SMYD3: variants seen among roughly 807,000 people sequenced by gnomAD.
The protein encoded by SMYD3 is histone-lysine N-methyltransferase SMYD3.
A neutral mutation model predicts 57.7 loss-of-function variants in SMYD3; 36 were observed. The ratio of observed to expected loss-of-function variants is 0.62; its 90% confidence interval spans 0.48 to 0.82. SMYD3 has a LOEUF of 0.82. SMYD3 is among the 40% of genes least tolerant of loss of function. The pLI, the probability that SMYD3 is intolerant of heterozygous loss-of-function variation, is 0.00. For synonymous variants in SMYD3, 211 were observed against 195.0 expected (o/e 1.08, Z -0.68); for missense variants, 515 against 538.8 (o/e 0.96, Z 0.44).
intron 5 of SMYD3, among the ~76,000 whole-genome samples, chr1:246,032,179 G>A (rs1053591747): frequency 6.6e-6 from 1 of 152,118 alleles, no homozygotes; most frequent in African/African-American, 2.4e-5. Context: ...CTGTTGGGCA[G>A]GCAAACTGAG....
At chr1:246,065,557 C>T (rs1447095432) in intron 5 of SMYD3, among the ~76,000 whole-genome samples, 1 of 152,190 alleles carries the variant, frequency 6.6e-6, no homozygotes, top group Non-Finnish European at 1.5e-5. Flanking sequence ...TTAGAAAACC[C>T]TCAAGTTCTA....
intron 5 of SMYD3, among the ~76,000 whole-genome samples, chr1:246,078,796 A>G (rs2060588480): frequency 6.6e-6 from 1 of 152,228 alleles, no homozygotes; most frequent in South Asian, 2.1e-4. Context: ...GACTGACTGA[A>G]TGTAAAGATA....
chr1:246,248,349 A>T (rs1454856878), intron 5 of SMYD3, among the ~76,000 whole-genome samples: 1 of 152,196 alleles, frequency 6.6e-6, no homozygotes, highest in Non-Finnish European at 1.5e-5. Context: ...CGGATTTTGA[A>T]GGGATTTCAC....
intron 5 of SMYD3, among the ~76,000 whole-genome samples, chr1:246,072,026 A>G (rs1572978102): frequency 3.1e-5 from 1 of 31,848 alleles, no homozygotes; most frequent in Admixed American, 4.7e-4. Flanking sequence ...CTGGGGAGGG[A>G]TTCGTGTGCT....
intron 1 of SMYD3, among the ~76,000 whole-genome samples, chr1:246,384,452 G>T (rs2066437793): frequency 6.6e-6 from 1 of 151,816 alleles, no homozygotes; most frequent in Admixed American, 6.6e-5. Flanking sequence ...CTAGAGTGCA[G>T]TGGTGCCATC....
intron 2 of SMYD3, among the ~76,000 whole-genome samples, chr1:246,349,486 T>G (rs956328442): frequency 5.9e-5 from 9 of 152,092 alleles, no homozygotes; most frequent in African/African-American, 2.2e-4. Context: ...ACGCCTGTAG[T>G]CCCAGCTATT....
chr1:246,304,125 T>G (rs1488164945), intron 5 of SMYD3, among the ~76,000 whole-genome samples: 1 of 152,190 alleles, frequency 6.6e-6, no homozygotes, highest in African/African-American at 2.4e-5. Flanking sequence ...AGCATAATAA[T>G]TTTACTGGTA....
intron 5 of SMYD3, among the ~76,000 whole-genome samples, chr1:245,933,494 T>A (rs2056838201): frequency 6.6e-6 from 1 of 152,182 alleles, no homozygotes; most frequent in African/African-American, 2.4e-5. Context: ...AATATTATAG[T>A]TTTTCTAGAT....
chr1:246,028,332 T>C (rs547725222), intron 5 of SMYD3, among the ~76,000 whole-genome samples: 1 of 152,108 alleles, frequency 6.6e-6, no homozygotes, highest in Non-Finnish European at 1.5e-5. Context: ...TAATCCTATA[T>C]ACAGAAAAAT....
At chr1:245,788,108 G>A (rs1264659251) in intron 10 of SMYD3, among the ~76,000 whole-genome samples, 1 of 151,974 alleles carries the variant, frequency 6.6e-6, no homozygotes, top group Non-Finnish European at 1.5e-5. Flanking sequence ...ACAGGGAACA[G>A]GGCAAGGAGA....
intron 5 of SMYD3, among the ~76,000 whole-genome samples, chr1:246,014,133 G>A (rs2059334858): frequency 6.6e-6 from 1 of 152,146 alleles, no homozygotes; most frequent in South Asian, 2.1e-4. Context: ...GACCAGCCTG[G>A]CCAACATGGC....
chr1:246,209,206 A>G (rs893769120), intron 5 of SMYD3, among the ~76,000 whole-genome samples: 4 of 152,146 alleles, frequency 2.6e-5, no homozygotes, highest in Non-Finnish European at 5.9e-5. Context: ...CCAGTGAGGG[A>G]CCAAGAACGA....
intron 9 of SMYD3, among the ~76,000 whole-genome samples, chr1:245,860,731 T>C (rs532647178): frequency 4.1e-4 from 62 of 152,260 alleles, no homozygotes; most frequent in African/African-American, 4.8e-5. Flanking sequence ...CCCCTAGAGG[T>C]TGGGGGAAGC....
intron 3 of SMYD3, among the ~76,000 whole-genome samples, chr1:246,334,178 T>C (rs1394354935): frequency 2.0e-5 from 3 of 151,416 alleles, no homozygotes; most frequent in Admixed American, 6.6e-5. Flanking sequence ...TCTCAAAGAG[T>C]TACCATTCAA....
chr1:246,265,318 TG>T (rs1367765681), intron 5 of SMYD3, among the ~76,000 whole-genome samples: 2 of 150,146 alleles, frequency 1.3e-5, no homozygotes, highest in South Asian at 4.3e-4. Flanking sequence ...TTTTTTTTTT[TG>T]TAATAGACAG....
chr1:245,807,965 G>GAAAT (rs1280698712), intron 10 of SMYD3, among the ~76,000 whole-genome samples: 1 of 152,072 alleles, frequency 6.6e-6, no homozygotes, highest in Non-Finnish European at 1.5e-5. Flanking sequence ...ATTTTAAAGG[G>GAAAT]AAATAATTTA....
chr1:245,955,240 C>T (rs6695825), intron 5 of SMYD3, among the ~76,000 whole-genome samples: 21,558 of 136,142 alleles, frequency 0.16, 2,628 homozygotes, highest in African/African-American at 0.36. Context: ...TACAGGTGCC[C>T]GCCGCCATAC....
chr1:245,886,537 A>G (rs1028792373), intron 8 of SMYD3, among the ~76,000 whole-genome samples: 14 of 152,210 alleles, frequency 9.2e-5, no homozygotes, highest in African/African-American at 3.4e-4. Flanking sequence ...ACCCAGAAAC[A>G]GCCTGTAAGC....
chr1:246,259,905 T>C (rs2063971605), intron 5 of SMYD3, among the ~76,000 whole-genome samples: 1 of 152,176 alleles, frequency 6.6e-6, no homozygotes, highest in Admixed American at 6.5e-5. Context: ...CATCAACTTC[T>C]CTACACAGGA....
Sources: allele counts gnomAD v4.1 joint callset (sites outside exome capture counted in the v4.1 genomes callset), GRCh38; gene constraint gnomAD v4.1.1; transcripts MANE v1.5; gene names NCBI Gene and HGNC (gene_info 2026-07-23, HGNC 2026-07-21).